Variants in ZBTB38 observed in about 807,000 individuals in gnomAD.
ZBTB38 encodes zinc finger and BTB domain-containing protein 38.
In ZBTB38, 20 loss-of-function variants were observed where a neutral mutation model predicts 76.8. The observed-to-expected ratio is 0.26, with a 90% CI of 0.18 to 0.38. The LOEUF (loss-of-function observed/expected upper bound fraction) is 0.38. Among genes scored for constraint, ZBTB38 ranks in the 10% least tolerant of loss-of-function variants. The probability of loss-of-function intolerance (pLI) is 1.00; values close to 1 mark genes in which losing one functional copy is unlikely to be tolerated. For missense variants in ZBTB38, 1,082 were observed against 1,482.3 expected (o/e 0.73, Z 4.43); for synonymous variants, 504 against 544.2 (o/e 0.93, Z 1.03).
At chr3:141,409,261 G>T (rs1955802491) in intron 5 of ZBTB38, among the ~76,000 whole-genome samples, 1 of 152,056 alleles carries the variant, frequency 6.6e-6, no homozygotes, top group African/African-American at 2.4e-5. Flanking sequence ...GGCCAGGCTG[G>T]TCTCAAACTC....
chr3:141,414,884 A>C (rs2073590811), intron 5 of ZBTB38, among the ~76,000 whole-genome samples: 1 of 151,942 alleles, frequency 6.6e-6, no homozygotes, highest in Non-Finnish European at 1.5e-5. Context: ...GCCTCTGTTG[A>C]CACTTTATTG....
chr3:141,336,773 G>C (rs1424000843), intron 1 of ZBTB38, among the ~76,000 whole-genome samples: 1 of 152,208 alleles, frequency 6.6e-6, no homozygotes, highest in African/African-American at 2.4e-5. Flanking sequence ...CACATGGTAG[G>C]ACATTTAGCA....
At chr3:141,426,152 A>T (rs1393498812) in intron 5 of ZBTB38, 6 of 1,289,304 alleles carry the variant, frequency 4.7e-6, no homozygotes, top group African/African-American at 1.5e-5. Flanking sequence ...GCTCCAGCAT[A>T]AGCAGGAGAC....
intron 5 of ZBTB38, among the ~76,000 whole-genome samples, chr3:141,420,400 T>C (rs2150138895): frequency 6.6e-6 from 1 of 152,320 alleles, no homozygotes; most frequent in East Asian, 1.9e-4. Context: ...GATATCTTGA[T>C]CTTTTATTCT....
intron 1 of ZBTB38, among the ~76,000 whole-genome samples, chr3:141,337,964 A>G (rs1943063751): frequency 1.3e-5 from 2 of 152,228 alleles, no homozygotes; most frequent in African/African-American, 4.8e-5. Context: ...AATGTCTATC[A>G]TGTGCTGGAA....
chr3:141,391,778 G>GTCTCA (rs917079438), intron 4 of ZBTB38, among the ~76,000 whole-genome samples: 9 of 152,168 alleles, frequency 5.9e-5, no homozygotes, highest in Admixed American at 1.3e-4. Context: ...GGAAGGGTTT[G>GTCTCA]TCTCATCTCA....
Position 141,352,653 on chromosome 3 carries a change from A to G in ZBTB38, c.-738-15968A>G, listed in dbSNP as rs76205953. ...GCAAAATGAATTATAGGCATAATAC[A>G]TGACAAATGGGGTAAGCCAGAGAGT... On this transcript the variant is annotated intron_variant, in intron 1 of 7. Coordinates refer to the ZBTB38 transcript ENST00000509842. Among the ~76,000 whole-genome samples the G allele has an allele frequency of 3.7e-3, 565 of 152,244 alleles. 6 individuals are homozygous for G. The highest frequency in any genetic ancestry group is 0.011 in the African/African-American group (461 of 41,522).
chr3:141,377,181 G>A (rs924368707), intron 2 of ZBTB38, among the ~76,000 whole-genome samples: 1 of 152,224 alleles, frequency 6.6e-6, no homozygotes, highest in African/African-American at 2.4e-5. Context: ...AGATAGCAAT[G>A]TCCCACCACT....
chr3:141,418,169 G>C (rs1408464167), intron 5 of ZBTB38, among the ~76,000 whole-genome samples: 1 of 152,116 alleles, frequency 6.6e-6, no homozygotes, highest in Non-Finnish European at 1.5e-5. Flanking sequence ...TATGGGACTA[G>C]AGGATAAGGC....
At chr3:141,360,317 CCT>C (rs1313012749) in intron 1 of ZBTB38, among the ~76,000 whole-genome samples, 26 of 152,292 alleles carry the variant, frequency 1.7e-4, no homozygotes, top group Admixed American at 1.6e-3. Flanking sequence ...AAAAGAATCC[CCT>C]GTGTGCCTTG....
At chr3:141,421,591 TC>T in intron 5 of ZBTB38, among the ~76,000 whole-genome samples, 1 of 152,308 alleles carries the variant, frequency 6.6e-6, no homozygotes. Flanking sequence ...CAAAGGGCTG[TC>T]GTATGGCAAA....
Position 141,445,594 on chromosome 3 carries a change from A to G in ZBTB38, c.3206A>G (p.Gln1069Arg). The G allele has an allele frequency of 6.2e-7, 1 of 1,614,264 alleles. No homozygotes were observed. The highest frequency in any genetic ancestry group is 8.5e-7 in the Non-Finnish European group (1 of 1,180,040). ...IHLGLKEFVC[Q>R]YCNKAFTLNE... ...CTGGGCTTGAAGGAGTTCGTCTGTC[A>G]GTATTGCAACAAGGCATTCACCTTG... Residue 1069 changes from glutamine (Q) to arginine (R), a missense_variant, in exon 6 of 6, where the codon CAG becomes CGG. Physicochemically the swap from Gln to Arg is conservative, Grantham distance 43. Around this residue, in one of 8 missense-constraint regions of ZBTB38, gnomAD observed 69 missense variants for 148.2 expected, o/e 0.47. Transcript: ENST00000321464. This position sits in a 1 kb window ranked among gnomAD's most constrained non-coding sequence, Gnocchi z 6.5.
At chr3:141,335,381 T>C (rs1274599149) in intron 1 of ZBTB38, among the ~76,000 whole-genome samples, 6 of 152,252 alleles carry the variant, frequency 3.9e-5, no homozygotes, top group Admixed American at 3.3e-4. Flanking sequence ...TCTAGTCTTA[T>C]ACCTCTAGAA....
At chr3:141,406,220 C>G (rs534859754) in intron 5 of ZBTB38, among the ~76,000 whole-genome samples, 1 of 152,130 alleles carries the variant, frequency 6.6e-6, no homozygotes, top group African/African-American at 2.4e-5. Flanking sequence ...AGTGTTGTGG[C>G]TGTGCTTCAG....
chr3:141,371,524 G>C (rs1944604664), intron 2 of ZBTB38, among the ~76,000 whole-genome samples: 1 of 151,758 alleles, frequency 6.6e-6, no homozygotes, highest in Admixed American at 6.6e-5. Context: ...ATTTTTTGTA[G>C]AAACAAGGTT....
chr3:141,414,434 T>C lies in ZBTB38; in HGVS notation c.-1+10403T>C, dbSNP rs112643181. Among the ~76,000 whole-genome samples the C allele has an allele frequency of 1.1e-3, 175 of 152,334 alleles. 1 individual carries two copies. The highest frequency in any genetic ancestry group is 4.1e-3 in the African/African-American group (170 of 41,578). On this transcript the variant is annotated intron_variant, in intron 5 of 5. Transcript: ENST00000321464. ...CCAGCCCAGGGAAAAGTAAAGACCA[T>C]TGAACCTTCTCCATGTCACCACAAA... is the stretch of plus-strand genomic sequence containing the variant.
chr3:141,342,138 A>G (rs1330793666), intron 1 of ZBTB38, among the ~76,000 whole-genome samples: 3 of 152,200 alleles, frequency 2.0e-5, no homozygotes, highest in Non-Finnish European at 4.4e-5. Flanking sequence ...TATCCTGGCC[A>G]ACATGGTGAA....
At chr3:141,434,072 A>G in intron 5 of ZBTB38, 1 of 389,890 alleles carries the variant, frequency 2.6e-6, no homozygotes, top group Non-Finnish European at 3.5e-6. Flanking sequence ...AGGGAGTACA[A>G]AGATGAATCA....
chr3:141,352,056 T>C (rs1195221100), intron 1 of ZBTB38, among the ~76,000 whole-genome samples: 1 of 152,114 alleles, frequency 6.6e-6, no homozygotes, highest in African/African-American at 2.4e-5. Flanking sequence ...CCAATAAATA[T>C]GCCAGGCATG....
Sources: gnomAD v4.1 joint callset for allele counts (sites outside exome capture counted in the v4.1 genomes callset) on GRCh38, gnomAD v4.1.1 for gene constraint, gnomAD v4.1.1 regional missense constraint, Gnocchi (gnomAD v3.1) non-coding constraint, MANE v1.5 for transcripts, NCBI Gene and HGNC (gene_info 2026-07-23, HGNC 2026-07-21) for gene names.